Variants in PPFIBP2 observed in about 807,000 individuals in gnomAD.
PPFIBP2 encodes PPFIB scaffold protein 2.
A neutral mutation model predicts 118.3 loss-of-function variants in PPFIBP2; 118 were observed. The ratio of observed to expected loss-of-function variants is 1.00; its 90% CI spans 0.86 to 1.16. The LOEUF is 1.16. PPFIBP2 is among the 50% of genes most tolerant of loss of function. The pLI is 0.00. For missense variants in PPFIBP2, 1,195 were observed against 1,073.1 expected (o/e 1.11, Z -1.59); for synonymous variants, 414 against 397.4 (o/e 1.04, Z -0.50).
intron 14 of PPFIBP2, among the ~76,000 whole-genome samples, chr11:7,639,163 C>T (rs1851810749): frequency 6.6e-6 from 1 of 152,192 alleles, no homozygotes; most frequent in Admixed American, 6.5e-5. Context: ...CAGGCCCTCA[C>T]AGAGATCTGC....
intron 3 of PPFIBP2, among the ~76,000 whole-genome samples, chr11:7,580,050 C>T (rs531671527): frequency 2.4e-4 from 36 of 152,280 alleles, no homozygotes; most frequent in South Asian, 8.3e-4. Context: ...TCAGGCCCTT[C>T]GGCTTGCTTG....
At chr11:7,573,321 C>T (rs537351897) in intron 3 of PPFIBP2, among the ~76,000 whole-genome samples, 3 of 152,230 alleles carry the variant, frequency 2.0e-5, no homozygotes, top group East Asian at 1.9e-4. Flanking sequence ...AGTTAGCCCA[C>T]TGCATATTTC....
chr11:7,659,842 TCTC>T (rs1190205370), downstream of PPFIBP2, among the ~76,000 whole-genome samples: 3 of 105,760 alleles, frequency 2.8e-5, no homozygotes, highest in Admixed American at 9.9e-5. Flanking sequence ...GGTTTGTAGT[TCTC>T]CTTGAAGAGG....
chr11:7,525,491 G>A (rs1008056457), intron 1 of PPFIBP2, among the ~76,000 whole-genome samples: 10 of 152,138 alleles, frequency 6.6e-5, no homozygotes, highest in Non-Finnish European at 1.2e-4. Context: ...TGCATGCTCT[G>A]GGCTTCCAGG....
chr11:7,666,848 C>CTTTTTTAATG, the PPFIBP2 span: 2 of 277,718 alleles, frequency 7.2e-6, no homozygotes, highest in Non-Finnish European at 1.4e-5. Flanking sequence ...AGGATGGCTT[C>CTTTTTTAATG]ACTCGGAGCT....
intron 1 of PPFIBP2, among the ~76,000 whole-genome samples, chr11:7,542,983 A>G (rs377004016): frequency 6.6e-6 from 1 of 152,262 alleles, no homozygotes; most frequent in Non-Finnish European, 1.5e-5. Flanking sequence ...CACAGCCATT[A>G]TGCAGCAGAG....
intron 2 of PPFIBP2, among the ~76,000 whole-genome samples, chr11:7,551,216 T>G (rs974104913): frequency 2.0e-5 from 3 of 152,106 alleles, no homozygotes; most frequent in African/African-American, 7.2e-5. Flanking sequence ...GGGTCTCACG[T>G]GCATTGGGAT....
intron 5 of PPFIBP2, among the ~76,000 whole-genome samples, chr11:7,602,198 G>T (rs957615434): frequency 1.3e-5 from 2 of 150,912 alleles, no homozygotes; most frequent in Non-Finnish European, 2.9e-5. Flanking sequence ...CCTGAAAATA[G>T]AACTCACAGT....
At chr11:7,520,375 CA>C (rs1450398632) in intron 1 of PPFIBP2, among the ~76,000 whole-genome samples, 1 of 152,192 alleles carries the variant, frequency 6.6e-6, no homozygotes, top group East Asian at 1.9e-4. Context: ...TTTGCCGACG[CA>C]CGCTGCTAGC....
At position 7,522,410 on chromosome 11, in the gene PPFIBP2, C is replaced by T. The variant is rs146166859; in HGVS notation, c.-37+8289C>T. 6.7e-3 allele frequency among the ~76,000 whole-genome samples: 1,022 copies of T among 152,260 alleles called. 7 individuals carry two copies. The highest frequency in any genetic ancestry group is 0.011 in the Non-Finnish European group (736 of 68,010). On this transcript the variant is annotated intron_variant, in intron 1 of 23. Coordinates refer to ENST00000299492, the MANE Select transcript of PPFIBP2 (RefSeq NM_003621.5). ...TTCTTTTGGAATCAGAAGGGAGCCT[C>T]GGGTAGTTTCTTGCTTGCCCTTTAT...
rs148164858 is a variant in PPFIBP2, at chr11:7,597,102, T to C, written c.373-458T>C. ...TAATTGCATCAAAACACTCACCTGA[T>C]AGGTGAGCAGTCCTCACACCCTTAT... On this transcript the variant is annotated intron_variant, in intron 4 of 23. Coordinates refer to ENST00000299492, the MANE Select transcript of PPFIBP2 (RefSeq NM_003621.5). The C allele has an allele frequency of 8.0e-6, 10 of 1,256,908 alleles. No individual in the cohort carries two copies. The East Asian group carries it at 2.7e-4, about 34-fold the overall frequency. 77.9% of individuals were successfully genotyped at this position (1,256,908 alleles called of 1,614,324 possible). A position where few individuals can be genotyped will look rare whatever the true frequency, so the allele number is the denominator to read the frequency against.
Position 7,565,678 on chromosome 11 carries a change from C to G in PPFIBP2, c.190C>G (p.Leu64Val). 6.2e-7 allele frequency: 1 copy of G among 1,614,206 alleles called. No individual in the cohort carries two copies. The highest frequency in any genetic ancestry group is 2.2e-5 in the East Asian group (1 of 44,888). Residue 64 changes from leucine (L) to valine (V), a missense_variant, in exon 3 of 24, where the codon CTG becomes GTG. By Grantham distance (32) the Leu-to-Val change is conservative. Transcript: ENST00000299492. ...IEDLRLALEMLELPQERAALL... is the reference protein window; with the variant it reads ...IEDLRLALEMVELPQERAALL... ...GGACTTGAGGCTGGCCTTGGAGATG[C>G]TGGAGCTTCCTCAGGAGAGAGCAGC... is the stretch of plus-strand genomic sequence containing the variant.
At chr11:7,554,465 T>C (rs1853351151) in intron 2 of PPFIBP2, among the ~76,000 whole-genome samples, 2 of 152,186 alleles carry the variant, frequency 1.3e-5, no homozygotes, top group Non-Finnish European at 2.9e-5. Flanking sequence ...TCAATGTTTA[T>C]GTAATTAAGC....
chr11:7,666,242 C>T, the PPFIBP2 span: 7 of 594,420 alleles, frequency 1.2e-5, no homozygotes, highest in South Asian at 2.1e-5. Context: ...ATGTATTAGA[C>T]ACCTGCTCTC....
At chr11:7,632,968 T>A in intron 12 of PPFIBP2, 34 bp downstream of exon 12, 1 of 1,593,560 alleles carries the variant, frequency 6.3e-7, no homozygotes, top group Non-Finnish European at 8.6e-7. Context: ...ACAGCCACTG[T>A]GCTCTCAGGC....
At chr11:7,540,248 T>G (rs140226111) in intron 1 of PPFIBP2, among the ~76,000 whole-genome samples, 1 of 133,830 alleles carries the variant, frequency 7.5e-6, no homozygotes. Flanking sequence ...GGATGAGGGG[T>G]GTGGGGGGGC....
At chr11:7,557,943 A>G (rs1438102452) in intron 2 of PPFIBP2, among the ~76,000 whole-genome samples, 5 of 152,200 alleles carry the variant, frequency 3.3e-5, no homozygotes, top group African/African-American at 1.2e-4. Context: ...TTCACATATG[A>G]TGCTGTCATC....
chr11:7,525,837 C>A (rs192977050), intron 1 of PPFIBP2, among the ~76,000 whole-genome samples: 1 of 152,164 alleles, frequency 6.6e-6, no homozygotes, highest in East Asian at 1.9e-4. Flanking sequence ...ACTGGCCACA[C>A]CTGGAGTGTG....
chr11:7,647,053 C>T (rs1379041983), intron 17 of PPFIBP2, among the ~76,000 whole-genome samples: 1 of 152,114 alleles, frequency 6.6e-6, no homozygotes, highest in Non-Finnish European at 1.5e-5. Flanking sequence ...TTGATCAGTC[C>T]CTGCCCCAGG....
Sources: gnomAD v4.1 joint callset for allele counts (sites outside exome capture counted in the v4.1 genomes callset) on GRCh38, gnomAD v4.1.1 for gene constraint, MANE v1.5 for transcripts, NCBI Gene and HGNC (gene_info 2026-07-23, HGNC 2026-07-21) for gene names.